The following ALDH5A1 variants were observed in gnomAD, a reference collection of about 807,000 sequenced individuals.
The protein encoded by ALDH5A1 is succinate-semialdehyde dehydrogenase, mitochondrial.
ALDH5A1 carries 33 observed loss-of-function variants against 54.7 expected under a neutral mutation model. The ratio of observed to expected loss-of-function variants is 0.60; its 90% CI spans 0.46 to 0.81. ALDH5A1 has a LOEUF of 0.81. Among genes scored for constraint, ALDH5A1 ranks in the 30% least tolerant of loss-of-function variants. ALDH5A1 has a pLI of 0.00. For missense variants in ALDH5A1, 657 were observed against 711.0 expected (o/e 0.92, Z 0.86); for synonymous variants, 294 against 292.7 (o/e 1.00, Z -0.05).
chr6:24,519,758 T>TG (rs1759639795), intron 5 of ALDH5A1, among the ~76,000 whole-genome samples: 1 of 151,474 alleles, frequency 6.6e-6, no homozygotes, highest in Non-Finnish European at 1.5e-5. Flanking sequence ...CCATCCTGTT[T>TG]TTTTTTTTTT....
chr6:24,523,153 ATTTTGAACG>A (rs1001456287), intron 7 of ALDH5A1, among the ~76,000 whole-genome samples: 34 of 152,140 alleles, frequency 2.2e-4, no homozygotes, highest in Admixed American at 5.2e-4. Context: ...AGAAGAGTAG[ATTTTGAACG>A]TTCCCAGTAT....
In ALDH5A1 at chr6:24,506,365, G is replaced by GC. The variant is rs1467473927; in HGVS notation, c.726+1382dup. On this transcript the variant is annotated intron_variant, in intron 4 of 9. Transcript: ENST00000357578. ...GCCTCCCAGGTTCAAGCAATTTTCT[G>GC]CCTCAGCCTCCCGAGTAGCTGGGAT... 9.3e-4 allele frequency among the ~76,000 whole-genome samples: 131 copies of GC among 140,568 alleles called. 2 individuals are homozygous for GC. The Admixed American group carries it at 0.01, about 11-fold the overall frequency. The allele number at this position is 140,568 out of a possible 152,430, so 92.2% of individuals were successfully genotyped here. A position where few individuals can be genotyped will look rare whatever the true frequency, so the allele number is the denominator to read the frequency against.
rs912200724 is a variant in ALDH5A1 at position 24,518,393 on chromosome 6, G to T, written c.871-2008G>T. Among the ~76,000 whole-genome samples the T allele has an allele frequency of 1.3e-5, 2 of 152,140 alleles. No individual in the cohort carries two copies. The highest frequency in any genetic ancestry group is 2.4e-5 in the African/African-American group (1 of 41,426). On this transcript the variant is annotated intron_variant, in intron 5 of 9. Transcript: ENST00000357578. This position sits in a 1 kb window ranked among gnomAD's most constrained non-coding sequence, Gnocchi z 4.2. The stretch of plus-strand genomic sequence containing the variant: ...CTTCCTGGAGAAGCAGAGACTGAGT[G>T]GGGAGAGGACACTGTCAGAGGACAC...
At position 24,496,791 on chromosome 6, in the gene ALDH5A1, T is replaced by G. The variant is rs144885889; in HGVS notation, c.354+1441T>G. 5.9e-5 allele frequency among the ~76,000 whole-genome samples: 9 copies of G among 152,340 alleles called. No individual in the cohort carries two copies. In the East Asian group the frequency reaches 1.3e-3, roughly 23 times the overall value. The stretch of plus-strand genomic sequence containing the variant: ...TCTTCTTTTAAAAACAGGAGTCAGA[T>G]TGGATTGGGGCCCACCAGAATGACC... On this transcript the variant is annotated intron_variant, in intron 1 of 9. Coordinates refer to ENST00000357578, the MANE Select transcript of ALDH5A1 (RefSeq NM_001080.3).
chr6:24,507,681 T>G (rs1181098845), intron 4 of ALDH5A1, among the ~76,000 whole-genome samples: 2 of 152,184 alleles, frequency 1.3e-5, no homozygotes, highest in African/African-American at 4.8e-5. Flanking sequence ...ATCCATGAGT[T>G]GAATCTTTTT....
intron 4 of ALDH5A1, among the ~76,000 whole-genome samples, chr6:24,506,756 T>G (rs1485345891): frequency 6.6e-6 from 1 of 152,252 alleles, no homozygotes; most frequent in Non-Finnish European, 1.5e-5. Context: ...TATTTTAGAA[T>G]AGTTTTACAT....
rs548874615 is a variant in ALDH5A1 at position 24,536,846 on chromosome 6, A to G, written c.*3134A>G. 2.6e-5 allele frequency: 4 copies of G among 152,814 alleles called. No homozygotes were observed. The East Asian group carries it at 7.7e-4, about 29-fold the overall frequency. 9.5% of individuals were successfully genotyped at this position (152,814 alleles called of 1,614,324 possible). A position where few individuals can be genotyped will look rare whatever the true frequency, so the allele number is the denominator to read the frequency against. On this transcript the variant is annotated 3_prime_UTR_variant, in exon 10 of 10. Transcript: ENST00000357578. ...CTTTATTCTACTAAAGAGAGACAGC[A>G]GAAATAAAGATCAGAAGCAAATGTG...
At chr6:24,525,446 C>T (rs1384998040) in intron 7 of ALDH5A1, among the ~76,000 whole-genome samples, 28 of 151,956 alleles carry the variant, frequency 1.8e-4, no homozygotes, top group Admixed American at 1.8e-3. Flanking sequence ...CGCCTATAAT[C>T]CCAGCATTTG....
At chr6:24,516,579 A>C (rs1177483701) in intron 5 of ALDH5A1, among the ~76,000 whole-genome samples, 1 of 152,070 alleles carries the variant, frequency 6.6e-6, no homozygotes, top group African/African-American at 2.4e-5. Flanking sequence ...ACTAGTTTAT[A>C]TCTAGATATA....
At chr6:24,520,640 G>T (rs1392625969) in intron 6 of ALDH5A1, 96 bp downstream of exon 6, 3 of 1,500,012 alleles carry the variant, frequency 2.0e-6, no homozygotes, top group Non-Finnish European at 2.7e-6. Flanking sequence ...GTGAGTGTGT[G>T]TGTGTGTGCG....
chr6:24,512,076 C>T (rs145894590), intron 4 of ALDH5A1, among the ~76,000 whole-genome samples: 96 of 152,222 alleles, frequency 6.3e-4, no homozygotes, highest in African/African-American at 2.0e-3. Flanking sequence ...TCCTGAGAGC[C>T]GAGCTGTAGT....
intron 5 of ALDH5A1, among the ~76,000 whole-genome samples, chr6:24,515,808 C>T (rs1431207948): frequency 6.6e-6 from 1 of 152,122 alleles, no homozygotes; most frequent in East Asian, 1.9e-4. Flanking sequence ...GACATAGGTT[C>T]CTGCTTGACA....
chr6:24,515,409 A>C, intron 5 of ALDH5A1, 99 bp downstream of exon 5: 1 of 1,428,772 alleles, frequency 7.0e-7, no homozygotes, highest in Non-Finnish European at 9.6e-7. Context: ...AATTTTGGAA[A>C]GATTTCCAGC....
At chr6:24,503,049 T>C (rs563984033) in intron 2 of ALDH5A1, among the ~76,000 whole-genome samples, 9 of 152,304 alleles carry the variant, frequency 5.9e-5, no homozygotes, top group African/African-American at 1.9e-4. Flanking sequence ...TGTAAACATA[T>C]TGAGAATGCA....
chr6:24,528,185 C>T lies in ALDH5A1; in HGVS notation c.1343+19C>T, dbSNP rs1217110193. The T allele has an allele frequency of 1.2e-5, 19 of 1,612,680 alleles. No homozygotes were observed. The highest frequency in any genetic ancestry group is 2.7e-5 in the African/African-American group (2 of 74,828). On this transcript the variant is annotated intron_variant, in intron 8 of 9. Coordinates refer to ENST00000357578, the MANE Select transcript of ALDH5A1 (RefSeq NM_001080.3). The stretch of plus-strand genomic sequence containing the variant: ...TTATCAAGTAAGATCCTCCAGCCAG[C>T]GGGGAGATGGGAGGAAGAATAGAAG...
At chr6:24,502,689 T>C (rs1197412764) in intron 2 of ALDH5A1, 83 bp downstream of exon 2, 4 of 972,970 alleles carry the variant, frequency 4.1e-6, no homozygotes, top group Non-Finnish European at 6.5e-6. Flanking sequence ...CTGACTTCCC[T>C]TCACTGCTGG....
At chr6:24,503,680 C>A (rs892749845) in intron 3 of ALDH5A1, among the ~76,000 whole-genome samples, 1 of 152,152 alleles carries the variant, frequency 6.6e-6, no homozygotes, top group African/African-American at 2.4e-5. Flanking sequence ...GCAGGAGGAC[C>A]CAGGGGCTCT....
rs547870392 is a variant in ALDH5A1 at position 24,520,391 on chromosome 6, C to T, written c.871-10C>T. 3.7e-6 allele frequency: 6 copies of T among 1,613,960 alleles called. No individual in the cohort carries two copies. The South Asian group carries it at 4.4e-5, about 12-fold the overall frequency. On this transcript the variant is annotated splice_polypyrimidine_tract_variant and intron_variant, in intron 5 of 9. Coordinates refer to ENST00000357578, the MANE Select transcript of ALDH5A1 (RefSeq NM_001080.3). ...TTCTGTGCTCACAGCTTTCTCTCCT[C>T]TGCTCACAGATCCTGTTGCACCACG...
intron 1 of ALDH5A1, among the ~76,000 whole-genome samples, chr6:24,495,642 T>A (rs2127379344): frequency 6.6e-6 from 1 of 152,112 alleles, no homozygotes; most frequent in East Asian, 1.9e-4. Context: ...GAGCTGCTTG[T>A]TATGGTCAAC....
Sources: allele counts gnomAD v4.1 joint callset (sites outside exome capture counted in the v4.1 genomes callset), GRCh38; gene constraint gnomAD v4.1.1; non-coding constraint Gnocchi (gnomAD v3.1); transcripts MANE v1.5; gene names NCBI Gene and HGNC (gene_info 2026-07-23, HGNC 2026-07-21).